COBLL1: variants seen among roughly 807,000 people sequenced by gnomAD.
COBLL1 encodes the protein cordon-bleu WH2 repeat protein like 1.
In COBLL1, 50 loss-of-function variants were observed where a neutral mutation model predicts 94.8. The ratio of observed to expected loss-of-function variants is 0.53; its 90% CI spans 0.42 to 0.67. The LOEUF (loss-of-function observed/expected upper bound fraction) is 0.67. Ranked by LOEUF, COBLL1 falls within the 30% of genes least tolerant of loss-of-function variation. The pLI, the probability that COBLL1 is intolerant of heterozygous loss-of-function variation, is 0.00. For synonymous variants in COBLL1, 448 were observed against 473.8 expected, an observed-to-expected ratio of 0.95 and a Z score of 0.71; for missense variants, 1,362 against 1,348.7, an observed-to-expected ratio of 1.01 and a Z score of -0.15.
chr2:164,677,497 C>T (rs1691358817), downstream of COBLL1, among the ~76,000 whole-genome samples: 2 of 152,160 alleles, frequency 1.3e-5, no homozygotes, highest in African/African-American at 4.8e-5. Context: ...GGCAAGGATC[C>T]TTAAACATCC....
chr2:164,779,900 A>T, intron 2 of COBLL1: 1 of 294,510 alleles, frequency 3.4e-6, no homozygotes, highest in Non-Finnish European at 7.2e-6. Context: ...CATCTATGGG[A>T]ATGTTCTCAT....
In COBLL1 at chr2:164,728,020, A is replaced by T. The variant is rs1475235478; in HGVS notation, c.610T>A (p.Ser204Thr). 2 of 1,613,742 alleles carry T rather than the reference A, an allele frequency of 1.2e-6. No homozygotes were observed. The highest frequency in any genetic ancestry group is 8.5e-7 in the Non-Finnish European group (1 of 1,179,670). Residue 204 changes from serine (S) to threonine (T), a missense_variant, in exon 5 of 14, where the codon TCT becomes ACT. By Grantham distance (58) the Ser-to-Thr change is moderately conservative. Transcript: ENST00000652658. ...TCTCTTAGTCCCAGGTCATTAAGAG[A>T]TTTTGTCAAGTCAAGAGGCTCCTGC... ...QSQEPLDLTK[S>T]LNDLGLRELY...
At chr2:164,733,706 AGTT>A (rs990935880) in intron 3 of COBLL1, among the ~76,000 whole-genome samples, 5 of 152,198 alleles carry the variant, frequency 3.3e-5, no homozygotes, top group Admixed American at 3.3e-4. Flanking sequence ...GAAAAAGAAA[AGTT>A]GTGTATCTAA....
rs1280748725 is a variant in COBLL1, at chr2:164,672,671, A to G, written n.127-6770T>C. On this transcript the variant is annotated intron_variant and non_coding_transcript_variant, in intron 1 of 2. Coordinates refer to the COBLL1 transcript ENST00000495084. ...CCGAGATTGCGCCACTGCAGTCCGC[A>G]GTCCGGCCTGGGCGACAGAGCGAGA... Among the ~76,000 whole-genome samples, 9 of 138,982 alleles carry G rather than the reference A, an allele frequency of 6.5e-5. No individual in the cohort carries two copies. In the East Asian group the frequency reaches 1.1e-3, roughly 16 times the overall value. 91.2% of individuals were successfully genotyped at this position (138,982 alleles called of 152,430 possible).
chr2:164,752,609 C>A (rs773652761), intron 2 of COBLL1, among the ~76,000 whole-genome samples: 12 of 152,124 alleles, frequency 7.9e-5, no homozygotes, highest in Non-Finnish European at 1.8e-4. Flanking sequence ...GCACAGAGAG[C>A]ATGGGACAAC....
At chr2:164,777,442 G>A (rs1688519417) in intron 2 of COBLL1, among the ~76,000 whole-genome samples, 1 of 151,912 alleles carries the variant, frequency 6.6e-6, no homozygotes, top group African/African-American at 2.4e-5. Flanking sequence ...CCTTCCTAAG[G>A]ATGCTGCCTG....
rs1318483217 is a variant in COBLL1 at position 164,694,369 on chromosome 2, C to T, written c.3023G>A (p.Ser1008Asn). Residue 1008 changes from serine (S) to asparagine (N), a missense_variant, in exon 12 of 14, where the codon AGT (serine) becomes AAT (asparagine). Physicochemically the swap from Ser to Asn is conservative, Grantham distance 46 (BLOSUM62 1). Coordinates refer to ENST00000652658, the MANE Select transcript of COBLL1 (RefSeq NM_001365672.2). ...TGGAGGTTGGACCAATGCACTGGCA[C>T]TAGGTGACTCGGTGCGCTCTTTACT... The part of the protein sequence containing the change: ...SFSKERTESP[S>N]ASALVQPPAN... 6.2e-7 allele frequency: 1 copy of T among 1,613,884 alleles called. No individual in the cohort carries two copies. Among genetic ancestry groups the T allele is most frequent in the African/African-American group, 1.3e-5 (1 of 74,890 alleles).
intron 2 of COBLL1, among the ~76,000 whole-genome samples, chr2:164,757,879 T>G (rs1437129534): frequency 6.6e-6 from 1 of 151,918 alleles, no homozygotes; most frequent in East Asian, 1.9e-4. Flanking sequence ...AAATTTCAGT[T>G]TGTCTCTGGG....
chr2:164,669,099 G>A (rs752169914), intron 1 of COBLL1, among the ~76,000 whole-genome samples: 12 of 152,136 alleles, frequency 7.9e-5, no homozygotes, highest in Non-Finnish European at 1.5e-4. Context: ...TCATTTGTTC[G>A]TCTTGTGTTT....
Position 164,680,244 on chromosome 2 carries a change from A to C in COBLL1, c.*5702T>G, listed in dbSNP as rs1682973812. 1 of 152,136 alleles carries C rather than the reference A, an allele frequency of 6.6e-6. No homozygotes were observed. The highest frequency in any genetic ancestry group is 1.5e-5 in the Non-Finnish European group (1 of 68,028). 9.4% of individuals were successfully genotyped at this position (152,136 alleles called of 1,614,324 possible). ...TTATTATAATTTCAAACATGCAGAC[A>C]AGTTAAAAATCATGTACAATATAAC... On this transcript the variant is annotated 3_prime_UTR_variant, in exon 14 of 14. Transcript: ENST00000652658.
At chr2:164,679,784 G>T (rs1479773482), downstream of COBLL1, among the ~76,000 whole-genome samples, 1 of 151,602 alleles carries the variant, frequency 6.6e-6, no homozygotes, top group Admixed American at 6.6e-5. Context: ...CCTCTCGGGG[G>T]GTGGGGGCGG....
chr2:164,704,293 G>C, intron 9 of COBLL1, 151 bp downstream of exon 9: 1 of 608,212 alleles, frequency 1.6e-6, no homozygotes, highest in South Asian at 2.0e-5. Context: ...AGGGGTGGGG[G>C]CAAGAATTTA....
intron 7 of COBLL1, among the ~76,000 whole-genome samples, chr2:164,710,671 T>C (rs1280587368): frequency 6.6e-6 from 1 of 151,638 alleles, no homozygotes; most frequent in Non-Finnish European, 1.5e-5. Context: ...TTCAAGCAGT[T>C]CTCTGACTCA....
chr2:164,790,521 T>C (rs1030951362), intron 2 of COBLL1, among the ~76,000 whole-genome samples: 3 of 152,226 alleles, frequency 2.0e-5, no homozygotes, highest in African/African-American at 7.2e-5. Context: ...ACACGCAATC[T>C]TGTTTACATC....
intron 13 of COBLL1, among the ~76,000 whole-genome samples, chr2:164,690,339 G>T (rs947782235): frequency 3.9e-5 from 6 of 152,072 alleles, no homozygotes; most frequent in Non-Finnish European, 8.8e-5. Flanking sequence ...TATCAATAAG[G>T]TTCCACTGAA....
At chr2:164,827,621 C>T (rs1244479626) in intron 2 of COBLL1, among the ~76,000 whole-genome samples, 1 of 152,138 alleles carries the variant, frequency 6.6e-6, no homozygotes, top group Non-Finnish European at 1.5e-5. Context: ...ATGTCCTCTA[C>T]CAAGTGAAGT....
chr2:164,816,324 A>C (rs1684743866), intron 2 of COBLL1, among the ~76,000 whole-genome samples: 1 of 152,104 alleles, frequency 6.6e-6, no homozygotes, highest in Non-Finnish European at 1.5e-5. Context: ...TCTAAGTCTG[A>C]AAAGAATGTG....
chr2:164,762,050 A>G (rs1424842075), intron 2 of COBLL1, among the ~76,000 whole-genome samples: 1 of 152,234 alleles, frequency 6.6e-6, no homozygotes, highest in African/African-American at 2.4e-5. Context: ...AACCGTTCCT[A>G]TAACCTCTGA....
chr2:164,818,214 A>G (rs1574644432), intron 2 of COBLL1, among the ~76,000 whole-genome samples: 1 of 146,078 alleles, frequency 6.8e-6, no homozygotes, highest in Non-Finnish European at 1.5e-5. Context: ...ATGTGTGTAT[A>G]TATACATATA....
Sources: allele counts gnomAD v4.1 joint callset (sites outside exome capture counted in the v4.1 genomes callset), GRCh38; gene constraint gnomAD v4.1.1; transcripts MANE v1.5; gene names NCBI Gene and HGNC (gene_info 2026-07-23, HGNC 2026-07-21).